The following LDLRAD3 variants were observed in gnomAD, a reference collection of about 807,000 sequenced individuals.
LDLRAD3 encodes low-density lipoprotein receptor class A domain-containing protein 3.
Under a neutral mutation model 29.4 loss-of-function variants are expected in LDLRAD3, and 20 were observed. That is an observed-to-expected ratio of 0.68 (90% CI 0.48 to 0.99). The LOEUF is 0.99. Among genes scored for constraint, LDLRAD3 ranks in the 50% least tolerant of loss-of-function variants. The pLI, the probability that LDLRAD3 is intolerant of heterozygous loss-of-function variation, is 0.00. For synonymous variants in LDLRAD3, 157 were observed against 192.7 expected, an observed-to-expected ratio of 0.81 and a Z score of 1.53; for missense variants, 420 against 454.3, an observed-to-expected ratio of 0.92 and a Z score of 0.69.
rs182959744 is a variant in LDLRAD3, at chr11:36,146,534, G to A, written c.454+48073G>A. Among the ~76,000 whole-genome samples, 85 of 152,252 alleles carry A rather than the reference G, an allele frequency of 5.6e-4. 1 individual carries two copies. Among genetic ancestry groups the A allele is most frequent in the Admixed American group, 2.5e-3 (38 of 15,284 alleles). On this transcript the variant is annotated intron_variant, in intron 4 of 5. Coordinates refer to ENST00000315571, the MANE Select transcript of LDLRAD3 (RefSeq NM_174902.4). ...ATTTGGTGGCTTAAAAAAACAGACA[G>A]TTATTCTCGTACAGTTCAGAAGAGA...
chr11:35,997,172 A>C (rs1429974146), intron 1 of LDLRAD3: 1 of 267,772 alleles, frequency 3.7e-6, no homozygotes, highest in Non-Finnish European at 7.2e-6. Flanking sequence ...CCTTTATTGA[A>C]ATGTTTTCCT....
intron 2 of LDLRAD3, among the ~76,000 whole-genome samples, chr11:36,071,624 T>C (rs1467057594): frequency 6.6e-6 from 1 of 152,206 alleles, no homozygotes; most frequent in Non-Finnish European, 1.5e-5. Context: ...CAGGATAGCA[T>C]ATATTTTAAG....
At chr11:36,076,573 A>G (rs576139244) in intron 2 of LDLRAD3, among the ~76,000 whole-genome samples, 2 of 152,242 alleles carry the variant, frequency 1.3e-5, no homozygotes, top group East Asian at 3.9e-4. Flanking sequence ...TATGTAGTAG[A>G]GACGAGGTTT....
At chr11:36,058,363 T>A (rs1442920686) in intron 2 of LDLRAD3, among the ~76,000 whole-genome samples, 1 of 152,212 alleles carries the variant, frequency 6.6e-6, no homozygotes, top group Non-Finnish European at 1.5e-5. Context: ...TTGGGGGTTT[T>A]TCTGAAGCAT....
intron 1 of LDLRAD3, among the ~76,000 whole-genome samples, chr11:36,028,798 C>T (rs1852199017): frequency 6.6e-6 from 1 of 152,122 alleles, no homozygotes; most frequent in Non-Finnish European, 1.5e-5. Context: ...CTTAATTTGG[C>T]TTCTTGGCCT....
chr11:35,993,659 T>C (rs1343908317), intron 1 of LDLRAD3, among the ~76,000 whole-genome samples: 1 of 95,246 alleles, frequency 1.0e-5, no homozygotes, highest in African/African-American at 4.7e-5. Context: ...TGGCCAGAGA[T>C]ACAAAAAAAA....
chr11:36,028,373 C>T (rs1207073350), intron 1 of LDLRAD3, among the ~76,000 whole-genome samples: 1 of 152,128 alleles, frequency 6.6e-6, no homozygotes, highest in Non-Finnish European at 1.5e-5. Context: ...CAACGGGGCT[C>T]ATTTCAGAGT....
chr11:36,089,061 A>G (rs1013843873), intron 3 of LDLRAD3, among the ~76,000 whole-genome samples: 18 of 152,220 alleles, frequency 1.2e-4, no homozygotes, highest in African/African-American at 3.1e-4. Flanking sequence ...CATGTATATT[A>G]TCAGGCTCAG....
intron 4 of LDLRAD3, among the ~76,000 whole-genome samples, chr11:36,120,579 T>C (rs1199980771): frequency 2.0e-5 from 3 of 152,090 alleles, no homozygotes; most frequent in African/African-American, 7.2e-5. Context: ...GTATCCACGT[T>C]TTACCAATGA....
intron 1 of LDLRAD3, among the ~76,000 whole-genome samples, chr11:36,026,006 C>G (rs1852162280): frequency 6.8e-6 from 1 of 146,696 alleles, no homozygotes; most frequent in Non-Finnish European, 1.5e-5. Flanking sequence ...TCTCAAACTC[C>G]CGACCTTAGA....
intron 4 of LDLRAD3, among the ~76,000 whole-genome samples, chr11:36,204,681 G>T (rs1227165420): frequency 6.6e-6 from 1 of 152,058 alleles, no homozygotes; most frequent in Admixed American, 6.5e-5. Flanking sequence ...TAGAGACAGG[G>T]TTTCACTATG....
At chr11:36,212,527 G>A (rs1219184425) in intron 4 of LDLRAD3, among the ~76,000 whole-genome samples, 3 of 151,434 alleles carry the variant, frequency 2.0e-5, no homozygotes, top group Admixed American at 6.6e-5. Flanking sequence ...ACTCTAGCCT[G>A]GGCAACAGAG....
intron 1 of LDLRAD3, among the ~76,000 whole-genome samples, chr11:36,024,314 T>A (rs1852134849): frequency 7.0e-6 from 1 of 143,162 alleles, no homozygotes; most frequent in Non-Finnish European, 1.5e-5. Context: ...TATATATATG[T>A]TTTATATCTA....
chr11:35,967,045 A>G (rs1368886239), intron 1 of LDLRAD3: 4 of 204,156 alleles, frequency 2.0e-5, no homozygotes, highest in Non-Finnish European at 4.4e-5. Flanking sequence ...GTAAAGCTTG[A>G]AGACCTTGCA....
Position 36,036,111 on chromosome 11 carries a change from C to A in LDLRAD3, c.55C>A (p.Leu19Met). 6.2e-7 allele frequency: 1 copy of A among 1,613,824 alleles called. No individual in the cohort carries two copies. Among genetic ancestry groups the A allele is most frequent in the South Asian group, 1.1e-5 (1 of 91,040 alleles). The change falls in exon 2 of 6, where the codon CTG (leucine) becomes ATG (methionine). Residue 19 changes from leucine (L) to methionine (M), a missense_variant. By Grantham distance (15) the Leu-to-Met change is conservative. Around this residue, in one of 3 missense-constraint regions of LDLRAD3, gnomAD observed 224 missense variants for 222.2 expected, o/e 1.01. Coordinates refer to ENST00000315571, the MANE Select transcript of LDLRAD3 (RefSeq NM_174902.4). ...LLLSSAAESQ[L>M]LPGNNFTNEC... ...TCCCCTCTCTCTGACAGAGAGCCAG[C>A]TGCTCCCCGGGAACAACTTCACCAA...
At chr11:35,959,759 T>C (rs947084665) in intron 1 of LDLRAD3, among the ~76,000 whole-genome samples, 2 of 151,906 alleles carry the variant, frequency 1.3e-5, no homozygotes, top group African/African-American at 4.8e-5. Context: ...CCATCTCTAC[T>C]AAAAATATAC....
intron 1 of LDLRAD3, among the ~76,000 whole-genome samples, chr11:35,994,093 A>G (rs1851721696): frequency 6.6e-6 from 1 of 152,138 alleles, no homozygotes; most frequent in African/African-American, 2.4e-5. Context: ...CAGAGATGGG[A>G]GGAAGAACAG....
chr11:36,183,961 ATCTT>A, intron 4 of LDLRAD3: 1 of 276,848 alleles, frequency 3.6e-6, no homozygotes. Context: ...AATATATTTC[ATCTT>A]TTTTTTTTTT....
intron 2 of LDLRAD3, among the ~76,000 whole-genome samples, chr11:36,067,412 T>C (rs1258334802): frequency 6.6e-6 from 1 of 152,246 alleles, no homozygotes; most frequent in African/African-American, 2.4e-5. Flanking sequence ...TAATAAGATG[T>C]AATGTATAAA....
Sources: gnomAD v4.1 joint callset for allele counts (sites outside exome capture counted in the v4.1 genomes callset) on GRCh38, gnomAD v4.1.1 for gene constraint, gnomAD v4.1.1 regional missense constraint, MANE v1.5 for transcripts, NCBI Gene and HGNC (gene_info 2026-07-23, HGNC 2026-07-21) for gene names.